The following BEND4 variants were observed in gnomAD, a reference collection of about 807,000 sequenced individuals.
BEND4 encodes the protein BEN domain-containing protein 4.
BEND4 carries 27 observed loss-of-function variants against 54.7 expected under a neutral mutation model. The ratio of observed to expected loss-of-function variants is 0.49; its 90% CI spans 0.36 to 0.68. The LOEUF is 0.68. BEND4 is among the 30% of genes least tolerant of loss of function. The pLI is 0.00. For missense variants in BEND4, 702 were observed against 697.2 expected (o/e 1.01, Z -0.08); for synonymous variants, 327 against 299.5 (o/e 1.09, Z -0.95).
Position 42,143,594 on chromosome 4 carries a change from T to G in BEND4, c.888A>C (p.Pro296=), listed in dbSNP as rs1720966052. The change falls in exon 3 of 6, where the codon CCA becomes CCC. Residue 296 remains proline (P), a synonymous_variant. Coordinates refer to ENST00000502486, the MANE Select transcript of BEND4 (RefSeq NM_207406.4). Reference sequence around the variant, plus strand: ...GGTGGCCATGGGATTCGGACGTTGCTGGGGAAGTCCAGCCACCTAATGTAT... The same window carrying G: ...GGTGGCCATGGGATTCGGACGTTGCGGGGGAAGTCCAGCCACCTAATGTAT... ...PVHTLGGWTS[P]ATSESHGHPS... is the part of the protein sequence containing the mutation. 1.3e-6 allele frequency: 2 copies of G among 1,595,422 alleles called. No homozygotes were observed. The highest frequency in any genetic ancestry group is 1.7e-6 in the Non-Finnish European group (2 of 1,170,692).
At chr4:42,134,905 G>A (rs1402570297) in intron 3 of BEND4, among the ~76,000 whole-genome samples, 1 of 152,246 alleles carries the variant, frequency 6.6e-6, no homozygotes, top group Non-Finnish European at 1.5e-5. Flanking sequence ...AACACTTGGT[G>A]TCTGGTGGGC....
At chr4:42,122,461 T>C (rs2153144856) in intron 4 of BEND4, among the ~76,000 whole-genome samples, 1 of 152,298 alleles carries the variant, frequency 6.6e-6, no homozygotes, top group Middle Eastern at 3.4e-3. Context: ...GCTGAATGGC[T>C]GACGCAGTAG....
intron 3 of BEND4, among the ~76,000 whole-genome samples, chr4:42,135,362 A>G (rs1039806469): frequency 6.6e-6 from 1 of 152,204 alleles, no homozygotes; most frequent in African/African-American, 2.4e-5. Context: ...TGATTTCTGG[A>G]GCACTAGGCA....
chr4:42,111,000 G>A lies in BEND4; in HGVS notation c.*6518C>T, dbSNP rs1018628344. On this transcript the variant is annotated 3_prime_UTR_variant, in exon 6 of 6. Transcript: ENST00000502486. ...CCAACAGAACACGTGGCATTCTAGA[G>A]GTATATGAGGTAATAAAATCAACAC... is the stretch of plus-strand genomic sequence containing the variant. 8 of 152,080 alleles carry A rather than the reference G, an allele frequency of 5.3e-5. No homozygotes were observed. The highest frequency in any genetic ancestry group is 1.9e-4 in the African/African-American group (8 of 41,398). The allele number at this position is 152,080 out of a possible 1,614,324, so 9.4% of individuals were successfully genotyped here. A position where few individuals can be genotyped will look rare whatever the true frequency, so the allele number is the denominator to read the frequency against.
At position 42,151,956 on chromosome 4, in the gene BEND4, G is replaced by A; in HGVS notation, c.188C>T (p.Ala63Val). The change falls in exon 2 of 6, where the codon GCG (alanine) becomes GTG (valine). Residue 63 changes from alanine to valine, a missense_variant. Transcript: ENST00000502486. ...GCTGATGGAGACGGCGGCGTGCGGC[G>A]CGAAGGGCGGCGGGGGCGGCGGGGG... ...RAPPPPPPPF[A>V]PHAAVSISSS... 3 of 1,248,442 alleles carry A rather than the reference G, an allele frequency of 2.4e-6. No homozygotes were observed. The highest frequency in any genetic ancestry group is 3.0e-6 in the Non-Finnish European group (3 of 993,050). 77.3% of individuals were successfully genotyped at this position (1,248,442 alleles called of 1,614,324 possible).
Position 42,113,099 on chromosome 4 carries a change from A to G in BEND4, c.*4419T>C, listed in dbSNP as rs543812332. ...AGCACTCCATTTGACATGTTTTGCC[A>G]AACAGTTCTGGCACGTGTTGCCACA... On this transcript the variant is annotated 3_prime_UTR_variant, in exon 6 of 6. Coordinates refer to ENST00000502486, the MANE Select transcript of BEND4 (RefSeq NM_207406.4). 2.0e-5 allele frequency: 3 copies of G among 152,370 alleles called. No individual in the cohort carries two copies. The highest frequency in any genetic ancestry group is 3.4e-3 in the Middle Eastern group (1 of 294). 9.4% of individuals were successfully genotyped at this position (152,370 alleles called of 1,614,324 possible). A position where few individuals can be genotyped will look rare whatever the true frequency, so the allele number is the denominator to read the frequency against.
intron 4 of BEND4, among the ~76,000 whole-genome samples, chr4:42,122,436 G>A (rs1351671868): frequency 6.6e-6 from 1 of 152,188 alleles, no homozygotes; most frequent in Non-Finnish European, 1.5e-5. Flanking sequence ...CACAATGCAG[G>A]TGCAATAAAC....
rs532699913 is a variant in BEND4 at position 42,111,103 on chromosome 4, C to T, written c.*6415G>A. Reference sequence around the variant, plus strand: ...TTAAAAATATTGAATGTTTAAAAAACTTTTATAACATTTTAAGTTTCTAAA... The same window carrying T: ...TTAAAAATATTGAATGTTTAAAAAATTTTTATAACATTTTAAGTTTCTAAA... On this transcript the variant is annotated 3_prime_UTR_variant, in exon 6 of 6. Coordinates refer to ENST00000502486, the MANE Select transcript of BEND4 (RefSeq NM_207406.4). The T allele has an allele frequency of 1.4e-4, 21 of 152,274 alleles. No individual in the cohort carries two copies. The highest frequency in any genetic ancestry group is 5.1e-4 in the African/African-American group (21 of 41,572). The allele number at this position is 152,274 out of a possible 1,614,324, so 9.4% of individuals were successfully genotyped here.
At position 42,117,614 on chromosome 4, in the gene BEND4, GA is replaced by G; in HGVS notation, c.1508del (p.Phe503SerfsTer58). On this transcript the variant is annotated frameshift_variant, in exon 6 of 6. Transcript: ENST00000502486. LOFTEE classifies it high-confidence loss of function. ...CATAAAATGAGCCACCGTTGTGCAG[GA>G]AAGTCCCCACCGCCCGCCCCTGTCG... ...HARQGRAVGT[F>X]LHNGGSFYEG... is the part of the protein sequence containing the mutation. The G allele has an allele frequency of 1.2e-6, 2 of 1,613,232 alleles. No homozygotes were observed. Among genetic ancestry groups the G allele is most frequent in the Non-Finnish European group, 8.5e-7 (1 of 1,179,616 alleles).
At chr4:42,138,170 C>T (rs1423739242) in intron 3 of BEND4, among the ~76,000 whole-genome samples, 1 of 152,110 alleles carries the variant, frequency 6.6e-6, no homozygotes, top group Non-Finnish European at 1.5e-5. Context: ...ATAGCCAAGA[C>T]ATGGAAACAA....
At chr4:42,119,859 GAAC>G (rs1719991238) in intron 5 of BEND4, 192 bp downstream of exon 5, 3 of 620,112 alleles carry the variant, frequency 4.8e-6, no homozygotes, top group Middle Eastern at 4.0e-4. Flanking sequence ...CACTAAGAGA[GAAC>G]AACAACGCTA....
At chr4:42,151,467 AGCCCAGGCGCG>A (rs1362359142) in intron 2 of BEND4, 179 bp downstream of exon 2, 31 of 478,782 alleles carry the variant, frequency 6.5e-5, no homozygotes, top group Non-Finnish European at 9.6e-5. Context: ...CGCCGTCGGA[AGCCCAGGCGCG>A]GCGGCGCTGG....
chr4:42,149,553 G>C lies in BEND4; in HGVS notation c.487+2104C>G, dbSNP rs116051000. ...CTCCTTAAAAACAACAAAAGCAACC[G>C]TGAGAATAAAAGGAAATATGGAGAA... On this transcript the variant is annotated intron_variant, in intron 2 of 5. Transcript: ENST00000502486. Among the ~76,000 whole-genome samples, 759 of 152,178 alleles carry C rather than the reference G, an allele frequency of 5.0e-3. 6 individuals are homozygous for C. Among genetic ancestry groups the C allele is most frequent in the African/African-American group, 0.017 (724 of 41,516 alleles).
Position 42,130,349 on chromosome 4 carries a change from G to A in BEND4, c.1055-4675C>T, listed in dbSNP as rs192444750. Among the ~76,000 whole-genome samples, 34 of 151,862 alleles carry A rather than the reference G, an allele frequency of 2.2e-4. No homozygotes were observed. The South Asian group carries it at 3.3e-3, about 15-fold the overall frequency. On this transcript the variant is annotated intron_variant, in intron 3 of 5. Transcript: ENST00000502486. ...CAAAAAATTAGCCAGGCGTGGTGGC[G>A]GACACCTATGGTCCCAGCTACTCGG...
intron 3 of BEND4, among the ~76,000 whole-genome samples, chr4:42,138,889 A>C (rs1720789441): frequency 6.6e-6 from 1 of 152,244 alleles, no homozygotes; most frequent in East Asian, 1.9e-4. Context: ...GTGTTCAAAG[A>C]TAATTATTAT....
intron 2 of BEND4, among the ~76,000 whole-genome samples, chr4:42,147,974 A>C (rs1228173791): frequency 6.6e-6 from 1 of 152,140 alleles, no homozygotes; most frequent in African/African-American, 2.4e-5. Flanking sequence ...AGTAGTCAAG[A>C]TTAGTGGTAA....
intron 2 of BEND4, among the ~76,000 whole-genome samples, chr4:42,150,560 G>A (rs1721231133): frequency 6.6e-6 from 1 of 152,246 alleles, no homozygotes; most frequent in South Asian, 2.1e-4. Context: ...AAGATTCACT[G>A]ACATGCAGGA....
intron 2 of BEND4, among the ~76,000 whole-genome samples, chr4:42,144,690 T>A (rs1042723252): frequency 1.3e-5 from 2 of 152,178 alleles, no homozygotes; most frequent in African/African-American, 4.8e-5. Context: ...ATCAGTAGTA[T>A]CACTTCTTAG....
chr4:42,130,479 CAA>C (rs55989085), intron 3 of BEND4, among the ~76,000 whole-genome samples: 4 of 64,924 alleles, frequency 6.2e-5, no homozygotes, highest in Non-Finnish European at 6.1e-5. Flanking sequence ...GAGTCCGTCT[CAA>C]AAAAAAAAAA....
Sources: allele counts gnomAD v4.1 joint callset (sites outside exome capture counted in the v4.1 genomes callset), GRCh38; gene constraint gnomAD v4.1.1; transcripts MANE v1.5; gene names NCBI Gene and HGNC (gene_info 2026-07-23, HGNC 2026-07-21).